The following NFIC variants were observed in gnomAD, a reference collection of about 807,000 sequenced individuals.
The protein encoded by NFIC is nuclear factor I C.
A neutral mutation model predicts 54.4 loss-of-function variants in NFIC; 12 were observed. That is an observed-to-expected ratio of 0.22 (90% CI 0.14 to 0.36). NFIC has a LOEUF of 0.36. Ranked by LOEUF, NFIC falls within the 10% of genes least tolerant of loss-of-function variation. The pLI is 1.00. For missense variants in NFIC, 575 were observed against 718.2 expected (o/e 0.80, Z 2.28); for synonymous variants, 322 against 319.2 (o/e 1.01, Z -0.09).
intron 6 of NFIC, among the ~76,000 whole-genome samples, chr19:3,448,381 T>C (rs1383159884): frequency 6.6e-6 from 1 of 152,152 alleles, no homozygotes; most frequent in Admixed American, 6.6e-5. Context: ...CCTCTGTTTC[T>C]TCATTCATTG....
intron 2 of NFIC, among the ~76,000 whole-genome samples, chr19:3,421,702 G>T (rs767893881): frequency 2.0e-5 from 3 of 152,220 alleles, no homozygotes; most frequent in African/African-American, 7.2e-5. Flanking sequence ...TTAGCACGGC[G>T]CCAGGCTAAC....
Position 3,379,171 on chromosome 19 carries a change from T to C in NFIC, c.31-2541T>C, listed in dbSNP as rs368070656. Reference sequence around the variant, plus strand: ...ACCTCCCAGGTTCAAGCAATTCTCCTGCCTCAGCCTCCCAAGTAGCTGGGA... The same window carrying C: ...ACCTCCCAGGTTCAAGCAATTCTCCCGCCTCAGCCTCCCAAGTAGCTGGGA... On this transcript the variant is annotated intron_variant, in intron 1 of 10. Coordinates refer to ENST00000443272, the MANE Select transcript of NFIC (RefSeq NM_001245002.2). 5.3e-3 allele frequency among the ~76,000 whole-genome samples: 798 copies of C among 151,898 alleles called. 8 individuals carry two copies. The highest frequency in any genetic ancestry group is 0.034 in the South Asian group (164 of 4,784).
At chr19:3,448,761 G>T (rs768715926) in intron 6 of NFIC, among the ~76,000 whole-genome samples, 2 of 152,144 alleles carry the variant, frequency 1.3e-5, no homozygotes, top group African/African-American at 4.8e-5. Flanking sequence ...GGCCAGGAGC[G>T]AGGCCCAGGG....
intron 9 of NFIC, among the ~76,000 whole-genome samples, chr19:3,455,997 C>T (rs184562667): frequency 9.0e-4 from 137 of 152,276 alleles, no homozygotes; most frequent in African/African-American, 3.1e-3. Flanking sequence ...ACCTGGGTCC[C>T]GGCCTGTCTG....
chr19:3,464,369 A>G lies in NFIC; in HGVS notation c.*1600A>G. 2.0e-6 allele frequency: 2 copies of G among 984,590 alleles called. No homozygotes were observed. Among genetic ancestry groups the G allele is most frequent in the South Asian group, 9.4e-5 (2 of 21,256 alleles). 61.0% of individuals were successfully genotyped at this position (984,590 alleles called of 1,614,324 possible). On this transcript the variant is annotated 3_prime_UTR_variant, in exon 11 of 11. Coordinates refer to ENST00000443272, the MANE Select transcript of NFIC (RefSeq NM_001245002.2). ...GTTTTTCCGTTGAGCCGCTCCAAAAACACTAAGCTGGGGACGCCAGGTGCC... is the reference window on the plus strand; with the variant it reads ...GTTTTTCCGTTGAGCCGCTCCAAAAGCACTAAGCTGGGGACGCCAGGTGCC...
intron 1 of NFIC, among the ~76,000 whole-genome samples, chr19:3,376,678 G>T (rs1175765862): frequency 6.6e-6 from 1 of 152,102 alleles, no homozygotes; most frequent in East Asian, 1.9e-4. Context: ...GGGCCCAAGT[G>T]ACCTAAGATC....
upstream of NFIC, among the ~76,000 whole-genome samples, chr19:3,363,263 A>ATTTT (rs1210474799): frequency 3.3e-5 from 2 of 60,936 alleles, no homozygotes; most frequent in East Asian, 4.3e-4. Context: ...ATATATATAT[A>ATTTT]TATATATTTT....
At chr19:3,447,476 T>G (rs2082390491) in intron 6 of NFIC, among the ~76,000 whole-genome samples, 1 of 152,000 alleles carries the variant, frequency 6.6e-6, no homozygotes, top group African/African-American at 2.4e-5. Flanking sequence ...ATCTCCCCAC[T>G]CACCCCAAAT....
intron 2 of NFIC, among the ~76,000 whole-genome samples, chr19:3,394,348 C>T (rs2081423459): frequency 6.6e-6 from 1 of 151,816 alleles, no homozygotes; most frequent in Non-Finnish European, 1.5e-5. Flanking sequence ...GGCGTGGTGG[C>T]GTGAACCTGC....
upstream of NFIC, among the ~76,000 whole-genome samples, chr19:3,361,598 G>T (rs1355120482): frequency 1.3e-5 from 2 of 151,922 alleles, no homozygotes; most frequent in Admixed American, 6.6e-5. Context: ...ATCATGGGGG[G>T]CTGTTTGGGA....
chr19:3,364,867 C>T (rs905623267), upstream of NFIC, among the ~76,000 whole-genome samples: 1 of 152,074 alleles, frequency 6.6e-6, no homozygotes, highest in Non-Finnish European at 1.5e-5. Flanking sequence ...GTGTCCCTAG[C>T]GTGTTTTAAT....
intron 2 of NFIC, among the ~76,000 whole-genome samples, chr19:3,417,894 T>C (rs2145585296): frequency 7.1e-6 from 1 of 140,818 alleles, no homozygotes; most frequent in Non-Finnish European, 1.5e-5. Flanking sequence ...CGCCTCGGCC[T>C]GTCAGAGTGC....
At chr19:3,434,973 A>T in intron 5 of NFIC, 110 bp from the exon 6 acceptor site, 1 of 1,362,888 alleles carries the variant, frequency 7.3e-7, no homozygotes, top group South Asian at 1.5e-5. Context: ...TCGCGATACT[A>T]CCTCCCTCGC....
At position 3,468,291 on chromosome 19, in the gene NFIC, C is replaced by T. The variant is rs2082743625; in HGVS notation, c.*5522C>T. 1 of 150,642 alleles carries T rather than the reference C, an allele frequency of 6.6e-6. No homozygotes were observed. 9.3% of individuals were successfully genotyped at this position (150,642 alleles called of 1,614,324 possible). ...GGAATATGGGCCCCGGAGGGGAAGT[C>T]ATGCACCCCCAAGCCACCACCCCCC... On this transcript the variant is annotated 3_prime_UTR_variant, in exon 11 of 11. Coordinates refer to ENST00000443272, the MANE Select transcript of NFIC (RefSeq NM_001245002.2).
intron 2 of NFIC, among the ~76,000 whole-genome samples, chr19:3,410,204 C>CTAA (rs1555749067): frequency 9.2e-5 from 14 of 151,556 alleles, no homozygotes; most frequent in African/African-American, 2.7e-4. Flanking sequence ...CCACGCCCGG[C>CTAA]TTTTTTTTTG....
Position 3,459,484 on chromosome 19 carries a change from C to T in NFIC, c.1509+2849C>T, listed in dbSNP as rs569853688. Among the ~76,000 whole-genome samples, 1 of 152,240 alleles carries T rather than the reference C, an allele frequency of 6.6e-6. No individual in the cohort carries two copies. The highest frequency in any genetic ancestry group is 2.1e-4 in the South Asian group (1 of 4,830). ...GTGGGGGGCAAGGCGGGCATTGAGC[C>T]ACATGCCGGGAGCCACACAGGCGGC... is the stretch of plus-strand genomic sequence containing the variant. On this transcript the variant is annotated intron_variant, in intron 10 of 10. Transcript: ENST00000443272. The surrounding 1 kb of genome is among the most constrained non-coding windows in gnomAD (Gnocchi z 4.2).
intron 2 of NFIC, among the ~76,000 whole-genome samples, chr19:3,408,727 G>T (rs1439464568): frequency 6.6e-6 from 1 of 152,028 alleles, no homozygotes; most frequent in Admixed American, 6.6e-5. Context: ...TCAGCCTCCC[G>T]AGTAGCTGGG....
Position 3,458,806 on chromosome 19 carries a change from G to T in NFIC, c.1509+2171G>T, listed in dbSNP as rs2082597809. On this transcript the variant is annotated intron_variant, in intron 10 of 10. Coordinates refer to ENST00000443272, the MANE Select transcript of NFIC (RefSeq NM_001245002.2). The surrounding 1 kb of genome is among the most constrained non-coding windows in gnomAD (Gnocchi z 4.1). ...AGAGGGAGGGAGTGGACACCCACCA[G>T]GCCTGGGAGTCAGAACTTTCTGGAG... is the stretch of plus-strand genomic sequence containing the variant. Among the ~76,000 whole-genome samples, 1 of 152,118 alleles carries T rather than the reference G, an allele frequency of 6.6e-6. No homozygotes were observed. The highest frequency in any genetic ancestry group is 1.5e-5 in the Non-Finnish European group (1 of 67,992).
rs1725196539 is a variant in NFIC, at chr19:3,459,979, C to A, written c.1510-2773C>A. On this transcript the variant is annotated intron_variant, in intron 10 of 10. Transcript: ENST00000443272. The surrounding 1 kb of genome is among the most constrained non-coding windows in gnomAD (Gnocchi z 4.2). ...GGCACAGCCCTCCCCTCACAGTCCA[C>A]CCTGGATGCTCCATCTGGGGTTGGA... Among the ~76,000 whole-genome samples, 1 of 152,198 alleles carries A rather than the reference C, an allele frequency of 6.6e-6. No homozygotes were observed. Among genetic ancestry groups the A allele is most frequent in the African/African-American group, 2.4e-5 (1 of 41,468 alleles).
Sources: gnomAD v4.1 joint callset for allele counts (sites outside exome capture counted in the v4.1 genomes callset) on GRCh38, gnomAD v4.1.1 for gene constraint, Gnocchi (gnomAD v3.1) non-coding constraint, MANE v1.5 for transcripts, NCBI Gene and HGNC (gene_info 2026-07-23, HGNC 2026-07-21) for gene names.